The following UCK2 variants were observed in gnomAD, a reference collection of about 807,000 sequenced individuals.
UCK2 encodes uridine-cytidine kinase 2, also known as cytidine monophosphokinase 2.
Under a neutral mutation model 30.8 loss-of-function variants are expected in UCK2, and 6 were observed. The observed-to-expected ratio is 0.19, with a 90% CI of 0.11 to 0.38. The LOEUF (loss-of-function observed/expected upper bound fraction) is 0.38. Ranked by LOEUF, UCK2 falls within the 10% of genes least tolerant of loss-of-function variation. The pLI, the probability that UCK2 is intolerant of heterozygous loss-of-function variation, is 1.00. For missense variants in UCK2, 210 were observed against 339.8 expected (o/e 0.62, Z 3.00); for synonymous variants, 125 against 133.6 (o/e 0.94, Z 0.45).
At chr1:165,887,041 A>G (rs959541530) in intron 1 of UCK2, among the ~76,000 whole-genome samples, 3 of 152,162 alleles carry the variant, frequency 2.0e-5, no homozygotes, top group Non-Finnish European at 4.4e-5. Flanking sequence ...ACTTCTTACT[A>G]TCTAAGGTTG....
intron 1 of UCK2, among the ~76,000 whole-genome samples, chr1:165,837,803 C>T (rs1398990331): frequency 6.6e-6 from 1 of 152,190 alleles, no homozygotes; most frequent in Non-Finnish European, 1.5e-5. Context: ...CTCTGTGTAT[C>T]ATAGGAATCT....
intron 3 of UCK2, chr1:165,895,646 G>A (rs1655878387): frequency 3.0e-6 from 3 of 985,810 alleles, no homozygotes; most frequent in Non-Finnish European, 3.6e-6. Flanking sequence ...TTTCTCGTCT[G>A]TATCCTCTTT....
intron 1 of UCK2, among the ~76,000 whole-genome samples, chr1:165,839,946 G>T (rs1654285987): frequency 6.6e-6 from 1 of 150,658 alleles, no homozygotes; most frequent in South Asian, 2.2e-4. Flanking sequence ...CCCCGCCCCA[G>T]ACAGAGTCCT....
chr1:165,887,301 A>G (rs1655639903), intron 1 of UCK2, among the ~76,000 whole-genome samples: 1 of 152,196 alleles, frequency 6.6e-6, no homozygotes, highest in South Asian at 2.1e-4. Context: ...GTCATACTGT[A>G]TCATTGATCA....
intron 1 of UCK2, among the ~76,000 whole-genome samples, chr1:165,858,233 CAT>C (rs1654802283): frequency 6.6e-6 from 1 of 152,128 alleles, no homozygotes; most frequent in Non-Finnish European, 1.5e-5. Context: ...GGACCTCTGT[CAT>C]AGGGGAGAGA....
At chr1:165,836,383 A>G (rs766927598) in intron 1 of UCK2, among the ~76,000 whole-genome samples, 9 of 152,218 alleles carry the variant, frequency 5.9e-5, no homozygotes, top group Non-Finnish European at 8.8e-5. Flanking sequence ...TTTCATTTGT[A>G]TAGATCTAAG....
At chr1:165,884,249 C>T (rs995881286) in intron 1 of UCK2, among the ~76,000 whole-genome samples, 4 of 152,196 alleles carry the variant, frequency 2.6e-5, no homozygotes, top group Non-Finnish European at 4.4e-5. Context: ...TGTTTCCCGT[C>T]CTGAAAAGCA....
At chr1:165,893,192 G>T (rs1655813667) in intron 3 of UCK2, among the ~76,000 whole-genome samples, 1 of 152,222 alleles carries the variant, frequency 6.6e-6, no homozygotes, top group South Asian at 2.1e-4. Flanking sequence ...GGCCTGACCA[G>T]TGCAGTCTAG....
Position 165,827,923 on chromosome 1 carries a change from T to C in UCK2, c.90T>C (p.Ala30=), listed in dbSNP as rs1265966171. 5 of 1,438,044 alleles carry C rather than the reference T, an allele frequency of 3.5e-6. No individual in the cohort carries two copies. The highest frequency in any genetic ancestry group is 2.4e-5 in the Admixed American group (1 of 41,716). 89.1% of individuals were successfully genotyped at this position (1,438,044 alleles called of 1,614,324 possible). ...PFLIGVSGGT[A]SGKSSVCAKI... Reference sequence around the variant, plus strand: ...TTATAGGCGTCAGCGGGGGAACAGCTAGCGGCAAGGTACGGCGGGGCCCGG... The same window carrying C: ...TTATAGGCGTCAGCGGGGGAACAGCCAGCGGCAAGGTACGGCGGGGCCCGG... Residue 30 remains alanine, a synonymous_variant, in exon 1 of 7, where the codon GCT becomes GCC. Coordinates refer to ENST00000367879, the MANE Select transcript of UCK2 (RefSeq NM_012474.5).
At chr1:165,870,201 A>ATTTTT (rs11336105) in intron 1 of UCK2, among the ~76,000 whole-genome samples, 2 of 94,688 alleles carry the variant, frequency 2.1e-5, no homozygotes, top group Non-Finnish European at 4.5e-5. Flanking sequence ...GTCTAACTTC[A>ATTTTT]TTTTTTTTTT....
chr1:165,894,752 G>A lies in UCK2; in HGVS notation c.357-1438G>A, dbSNP rs138186641. Among the ~76,000 whole-genome samples, 191 of 152,124 alleles carry A rather than the reference G, an allele frequency of 1.3e-3. 1 individual carries two copies. Among genetic ancestry groups the A allele is most frequent in the Admixed American group, 4.8e-3 (73 of 15,286 alleles). On this transcript the variant is annotated intron_variant, in intron 3 of 6. Transcript: ENST00000367879. Reference sequence around the variant, plus strand: ...TTAAAACTCAGACACAAGCCTGTTGGTCCAAGCTGAGAAGGCATCAGGAAG... The same window carrying A: ...TTAAAACTCAGACACAAGCCTGTTGATCCAAGCTGAGAAGGCATCAGGAAG...
In UCK2 at chr1:165,907,838, ACC is replaced by A. The variant is rs1326227540; in HGVS notation, c.*18_*19del. On this transcript the variant is annotated 3_prime_UTR_variant, in exon 7 of 7. Coordinates refer to ENST00000367879, the MANE Select transcript of UCK2 (RefSeq NM_012474.5). ...GGCCGCATTGACCCGTCTCCATCGG[ACC>A]CCAGCCCCTATCTCCAAGAGACAGA... is the stretch of plus-strand genomic sequence containing the variant. 6.2e-7 allele frequency: 1 copy of A among 1,613,040 alleles called. No individual in the cohort carries two copies. Among genetic ancestry groups the A allele is most frequent in the Non-Finnish European group, 8.5e-7 (1 of 1,179,464 alleles).
rs78029896 is a variant in UCK2 at position 165,876,213 on chromosome 1, C to A, written c.100-13991C>A. ...TGGGCATTTCTATGGAAACACAACACCTCTCTTAAATGGCAGTTTCACACA... is the reference window on the plus strand; with the variant it reads ...TGGGCATTTCTATGGAAACACAACAACTCTCTTAAATGGCAGTTTCACACA... On this transcript the variant is annotated intron_variant, in intron 1 of 6. Coordinates refer to ENST00000367879, the MANE Select transcript of UCK2 (RefSeq NM_012474.5). Among the ~76,000 whole-genome samples the A allele has an allele frequency of 6.6e-3, 998 of 152,298 alleles. 12 individuals are homozygous for A. Among genetic ancestry groups the A allele is most frequent in the Admixed American group, 0.011 (162 of 15,298 alleles).
chr1:165,905,475 C>T (rs1390147275), intron 5 of UCK2, among the ~76,000 whole-genome samples: 6 of 151,014 alleles, frequency 4.0e-5, no homozygotes, highest in East Asian at 3.9e-4. Context: ...CAGAGTGAGA[C>T]GCTGTCTTAA....
At chr1:165,878,758 A>G (rs796250565) in intron 1 of UCK2, among the ~76,000 whole-genome samples, 3 of 152,362 alleles carry the variant, frequency 2.0e-5, no homozygotes, top group African/African-American at 7.2e-5. Flanking sequence ...TTTGGCAATT[A>G]TGAATAAAGC....
intron 1 of UCK2, among the ~76,000 whole-genome samples, chr1:165,828,317 G>A (rs1653949903): frequency 6.6e-6 from 1 of 152,206 alleles, no homozygotes; most frequent in Non-Finnish European, 1.5e-5. Flanking sequence ...AACCCCCGAT[G>A]GACTCCCTCA....
At chr1:165,843,277 T>A (rs924256440) in intron 1 of UCK2, among the ~76,000 whole-genome samples, 1 of 152,130 alleles carries the variant, frequency 6.6e-6, no homozygotes, top group Non-Finnish European at 1.5e-5. Flanking sequence ...TTCATCTGGG[T>A]CTTTTTTGTT....
Position 165,827,798 on chromosome 1 carries a change from T to C in UCK2, c.-36T>C. 7.3e-7 allele frequency: 1 copy of C among 1,363,410 alleles called. No homozygotes were observed. The highest frequency in any genetic ancestry group is 9.6e-7 in the Non-Finnish European group (1 of 1,046,524). 84.5% of individuals were successfully genotyped at this position (1,363,410 alleles called of 1,614,324 possible). ...GGCGCGGGCGGGGAGCGTGCGTCCGTTCGCACAGGCAGCGGGAGGAGGGGC... is the reference window on the plus strand; with the variant it reads ...GGCGCGGGCGGGGAGCGTGCGTCCGCTCGCACAGGCAGCGGGAGGAGGGGC... On this transcript the variant is annotated 5_prime_UTR_variant, in exon 1 of 7. Transcript: ENST00000367879.
chr1:165,862,223 A>G (rs1358821597), intron 1 of UCK2, among the ~76,000 whole-genome samples: 1 of 152,030 alleles, frequency 6.6e-6, no homozygotes, highest in Non-Finnish European at 1.5e-5. Flanking sequence ...CAGATGATAA[A>G]CTTCTCTGAA....
Sources: gnomAD v4.1 joint callset for allele counts (sites outside exome capture counted in the v4.1 genomes callset) on GRCh38, gnomAD v4.1.1 for gene constraint, MANE v1.5 for transcripts, NCBI Gene and HGNC (gene_info 2026-07-23, HGNC 2026-07-21) for gene names.